Variants in RALGAPB observed in about 807,000 individuals in gnomAD.
RALGAPB encodes the protein Ral GTPase activating protein non-catalytic subunit beta, also known as ral GTPase-activating protein subunit beta.
Under a neutral mutation model 161.1 loss-of-function variants are expected in RALGAPB, and 25 were observed. That is an observed-to-expected ratio of 0.16 (90% CI 0.11 to 0.22). RALGAPB has a LOEUF of 0.22. Among genes scored for constraint, RALGAPB ranks in the 10% least tolerant of loss-of-function variants. RALGAPB has a pLI of 1.00. For missense variants in RALGAPB, 1,391 were observed against 1,815.2 expected, an observed-to-expected ratio of 0.77 and a Z score of 4.25; for synonymous variants, 629 against 626.1, an observed-to-expected ratio of 1.00 and a Z score of -0.07.
intron 21 of RALGAPB, among the ~76,000 whole-genome samples, chr20:38,552,140 A>ATTTTTTTTTTTTTTTTTTTTTTT (rs11482026): frequency 6.9e-6 from 1 of 144,860 alleles, no homozygotes; most frequent in Non-Finnish European, 1.5e-5. Flanking sequence ...GAAAAGGCTG[A>ATTTTTTTTTTTTTTTTTTTTTTT]TTTTTTTTTT....
intron 26 of RALGAPB, 116 bp downstream of exon 26, chr20:38,567,348 T>TA: frequency 7.6e-7 from 1 of 1,311,912 alleles, no homozygotes; most frequent in Non-Finnish European, 1.0e-6. Flanking sequence ...ACTGATTCCT[T>TA]AGTAACTTAA....
intron 2 of RALGAPB, 59 bp from the exon 3 acceptor site, chr20:38,492,871 A>G (rs2085318207): frequency 7.3e-7 from 1 of 1,366,778 alleles, no homozygotes; most frequent in African/African-American, 1.4e-5. Flanking sequence ...GACATTTTAA[A>G]TCAGTCTACT....
At chr20:38,566,830 G>A (rs1255570339) in intron 25 of RALGAPB, among the ~76,000 whole-genome samples, 1 of 152,198 alleles carries the variant, frequency 6.6e-6, no homozygotes, top group East Asian at 1.9e-4. Context: ...AGTGGCACAA[G>A]CCAAATGCCG....
chr20:38,552,794 A>G (rs1312472256), intron 21 of RALGAPB, among the ~76,000 whole-genome samples: 2 of 152,348 alleles, frequency 1.3e-5, no homozygotes, highest in South Asian at 4.1e-4. Context: ...AAGTAGCATT[A>G]TCTATAGTGA....
Position 38,548,920 on chromosome 20 carries a change from G to T in RALGAPB, c.3009+125G>T, listed in dbSNP as rs1260916912. ...CCCTAGCCAGATTCTCAGTCAGTGGGTTCATATCAGAATCATCTAGGAACC... is the reference window on the plus strand; with the variant it reads ...CCCTAGCCAGATTCTCAGTCAGTGGTTTCATATCAGAATCATCTAGGAACC... On this transcript the variant is annotated intron_variant, in intron 20 of 29. Coordinates refer to ENST00000262879, the MANE Select transcript of RALGAPB (RefSeq NM_020336.4). The T allele has an allele frequency of 5.4e-6, 4 of 744,182 alleles. No homozygotes were observed. In the African/African-American group the frequency reaches 7.1e-5, roughly 13 times the overall value. 46.1% of individuals were successfully genotyped at this position (744,182 alleles called of 1,614,324 possible). A position where few individuals can be genotyped will look rare whatever the true frequency, so the allele number is the denominator to read the frequency against.
rs370635548 is a variant in RALGAPB at position 38,534,095 on chromosome 20, C to T, written c.2246-979C>T. On this transcript the variant is annotated intron_variant, in intron 15 of 29. Coordinates refer to ENST00000262879, the MANE Select transcript of RALGAPB (RefSeq NM_020336.4). ...CAGAGGTTGCAGTGAGCCAAGATTGCGCCACTGTACTCCAGCCTGGGCAAC... is the reference window on the plus strand; with the variant it reads ...CAGAGGTTGCAGTGAGCCAAGATTGTGCCACTGTACTCCAGCCTGGGCAAC... 1.0e-3 allele frequency among the ~76,000 whole-genome samples: 151 copies of T among 147,732 alleles called. 1 individual carries two copies. In the Middle Eastern group the frequency reaches 0.014, roughly 14 times the overall value.
chr20:38,535,911 C>G (rs935493359), intron 16 of RALGAPB, among the ~76,000 whole-genome samples: 1 of 152,120 alleles, frequency 6.6e-6, no homozygotes, highest in Admixed American at 6.6e-5. Flanking sequence ...GATTTCTTTC[C>G]CAGCCGTTAC....
At chr20:38,505,276 CA>C (rs772768449) in intron 5 of RALGAPB, among the ~76,000 whole-genome samples, 35 of 152,172 alleles carry the variant, frequency 2.3e-4, no homozygotes, top group Non-Finnish European at 4.4e-4. Context: ...TCCTTTGTAG[CA>C]ACATGGATGC....
At chr20:38,499,119 C>T (rs2085507845) in intron 4 of RALGAPB, among the ~76,000 whole-genome samples, 1 of 152,136 alleles carries the variant, frequency 6.6e-6, no homozygotes, top group Non-Finnish European at 1.5e-5. Flanking sequence ...GAAACTGACT[C>T]ATAGTAGTCA....
intron 21 of RALGAPB, 31 bp from the exon 22 acceptor site, chr20:38,553,836 T>G (rs117127276): frequency 6.9e-7 from 1 of 1,456,332 alleles, no homozygotes; most frequent in South Asian, 1.2e-5. Context: ...TGATAATAGT[T>G]TCAAAAAATG....
chr20:38,550,796 G>A (rs1182644150), intron 20 of RALGAPB, among the ~76,000 whole-genome samples: 1 of 152,202 alleles, frequency 6.6e-6, no homozygotes, highest in Non-Finnish European at 1.5e-5. Flanking sequence ...ACCACTGAAT[G>A]TGGGAGATTC....
rs777191275 is a variant in RALGAPB at position 38,493,069 on chromosome 20, T to C, written c.326T>C (p.Ile109Thr). The C allele has an allele frequency of 3.5e-5, 56 of 1,612,198 alleles. No individual in the cohort carries two copies. The highest frequency in any genetic ancestry group is 4.5e-5 in the Non-Finnish European group (53 of 1,178,664). The change falls in exon 3 of 30, where the codon ATT becomes ACT. Residue 109 changes from isoleucine to threonine, a missense_variant. By Grantham distance (89) the Ile-to-Thr change is moderately conservative (BLOSUM62 -1). Around this residue, in one of 3 missense-constraint regions of RALGAPB, gnomAD observed 946 missense variants for 1,257.2 expected, o/e 0.75. Transcript: ENST00000262879. ...AAAGATTCTATTCCATTGCCAGTTA[T>C]TAAAGAGCCTAATCAATATGTTCAA... is the stretch of plus-strand genomic sequence containing the variant. ...LPKDSIPLPV[I>T]KEPNQYVQTI...
chr20:38,481,970 C>G (rs1342786674), intron 1 of RALGAPB, among the ~76,000 whole-genome samples: 3 of 151,832 alleles, frequency 2.0e-5, no homozygotes, highest in Non-Finnish European at 4.4e-5. Flanking sequence ...ACAGTTGACT[C>G]TCGTACATCA....
At chr20:38,503,505 G>A (rs758560966) in intron 5 of RALGAPB, among the ~76,000 whole-genome samples, 13 of 152,160 alleles carry the variant, frequency 8.5e-5, no homozygotes, top group Non-Finnish European at 1.6e-4. Flanking sequence ...TAGAAGTATA[G>A]CCCAAAGAGA....
Position 38,562,832 on chromosome 20 carries a change from T to C in RALGAPB, c.3697+135T>C, listed in dbSNP as rs2087835311. ...TGGGTACAGTGGCGCATGCCTGTCT[T>C]CAAGAAGCCAAGGTGGGAGGATCGA... is the stretch of plus-strand genomic sequence containing the variant. On this transcript the variant is annotated intron_variant, in intron 24 of 29. Transcript: ENST00000262879. The C allele has an allele frequency of 3.2e-6, 3 of 935,922 alleles. No homozygotes were observed. In the Admixed American group the frequency reaches 9.8e-5, roughly 31 times the overall value. The allele number at this position is 935,922 out of a possible 1,614,324, so 58.0% of individuals were successfully genotyped here. A position where few individuals can be genotyped will look rare whatever the true frequency, so the allele number is the denominator to read the frequency against.
intron 23 of RALGAPB, 140 bp from the exon 24 acceptor site, chr20:38,562,392 A>T: frequency 1.4e-6 from 1 of 722,732 alleles, no homozygotes; most frequent in Non-Finnish European, 2.1e-6. Context: ...ATTTTTCTCT[A>T]TAGTGATATA....
chr20:38,526,114 A>G, intron 13 of RALGAPB, 72 bp downstream of exon 13: 14 of 1,522,366 alleles, frequency 9.2e-6, no homozygotes, highest in Non-Finnish European at 1.3e-5. Context: ...AGGAGGCGGC[A>G]GTCGGTAATG....
At position 38,509,096 on chromosome 20, in the gene RALGAPB, G is replaced by A. The variant is rs751672363; in HGVS notation, c.760G>A (p.Gly254Ser). The stretch of plus-strand genomic sequence containing the variant: ...TTCTAGATTGCTACGCTTTACATAT[G>A]GTCCTTCATTTCCTGCATTTAAAGT... ...LTSRLLRFTY[G>S]PSFPAFKVPD... Residue 254 changes from glycine to serine, a missense_variant, in exon 6 of 30, where the codon GGT (glycine) becomes AGT (serine). This residue lies in a region of RALGAPB where 946 missense variants were observed against 1,257.2 expected (regional missense o/e 0.75). Transcript: ENST00000262879. 1.2e-6 allele frequency: 2 copies of A among 1,613,616 alleles called. No individual in the cohort carries two copies. Among genetic ancestry groups the A allele is most frequent in the Admixed American group, 1.7e-5 (1 of 60,026 alleles).
intron 20 of RALGAPB, 33 bp from the exon 21 acceptor site, chr20:38,551,038 G>C: frequency 6.2e-7 from 1 of 1,608,080 alleles, no homozygotes; most frequent in Non-Finnish European, 8.5e-7. Context: ...ATTGGACCCT[G>C]TGTAATAAAC....
Sources: allele counts gnomAD v4.1 joint callset (sites outside exome capture counted in the v4.1 genomes callset), GRCh38; gene constraint gnomAD v4.1.1; regional missense constraint gnomAD v4.1.1; transcripts MANE v1.5; gene names NCBI Gene and HGNC (gene_info 2026-07-23, HGNC 2026-07-21).